Variants in ANGPTL1 observed in about 807,000 individuals in gnomAD.
ANGPTL1 encodes the protein angiopoietin-related protein 1.
In ANGPTL1, 36 loss-of-function variants were observed where a neutral mutation model predicts 46.7. That is an observed-to-expected ratio of 0.77 (90% CI 0.59 to 1.02). The LOEUF is 1.02. Ranked by LOEUF, ANGPTL1 falls within the 50% of genes least tolerant of loss-of-function variation. The pLI is 0.00. For synonymous variants in ANGPTL1, 221 were observed against 204.3 expected, an observed-to-expected ratio of 1.08 and a Z score of -0.69; for missense variants, 571 against 594.7, an observed-to-expected ratio of 0.96 and a Z score of 0.41.
intron 2 of ANGPTL1, among the ~76,000 whole-genome samples, chr1:178,866,981 G>T (rs529172283): frequency 1.3e-5 from 2 of 152,066 alleles, no homozygotes; most frequent in East Asian, 1.9e-4. Context: ...CTACTAACGA[G>T]CTGGTCTATT....
intron 1 of ANGPTL1, 165 bp from the exon 2 acceptor site, chr1:178,869,388 A>C (rs1209048376): frequency 6.6e-6 from 1 of 152,098 alleles, no homozygotes; most frequent in Non-Finnish European, 1.5e-5. Context: ...AGATTGTGAA[A>C]TATGTTCTGG....
intron 3 of ANGPTL1, among the ~76,000 whole-genome samples, chr1:178,861,948 C>T (rs1170239305): frequency 1.3e-5 from 2 of 152,004 alleles, no homozygotes. Context: ...TCTCGGCTCA[C>T]TGCAACCTCC....
intron 2 of ANGPTL1, among the ~76,000 whole-genome samples, chr1:178,867,919 T>C (rs1411016742): frequency 6.6e-6 from 1 of 151,992 alleles, no homozygotes; most frequent in Non-Finnish European, 1.5e-5. Context: ...TTTTTTGGTA[T>C]TTTTCAATTG....
Position 178,865,645 on chromosome 1 carries a change from C to T in ANGPTL1, c.132G>A (p.Glu44=), listed in dbSNP as rs373962000. 116 of 1,613,852 alleles carry T rather than the reference C, an allele frequency of 7.2e-5. No individual in the cohort carries two copies. The highest frequency in any genetic ancestry group is 9.7e-5 in the Non-Finnish European group (114 of 1,179,946). Reference sequence around the variant, plus strand: ...ATGTGTATGCACATTTCTTTGCTTCCTCTTTACCATCTGTGGCACGAGGGT... The same window carrying T: ...ATGTGTATGCACATTTCTTTGCTTCTTCTTTACCATCTGTGGCACGAGGGT... ...RRYPRATDGK[E]EAKKCAYTFL... is the part of the protein sequence containing the mutation. The change falls in exon 3 of 6, where the codon GAG becomes GAA. Residue 44 remains glutamate, a synonymous_variant. Transcript: ENST00000234816.
At chr1:178,858,538 T>G (rs1031406714) in intron 3 of ANGPTL1, among the ~76,000 whole-genome samples, 1 of 152,160 alleles carries the variant, frequency 6.6e-6, no homozygotes, top group Non-Finnish European at 1.5e-5. Flanking sequence ...AAGCATAGTA[T>G]CAACTATTTT....
Position 178,856,394 on chromosome 1 carries a change from A to ATTTTTTTTTTTTTTTTTTTT in ANGPTL1, c.824-2627_824-2608dup, listed in dbSNP as rs71108081. Among the ~76,000 whole-genome samples the ATTTTTTTTTTTTTTTTTTTT allele has an allele frequency of 3.6e-4, 13 of 36,430 alleles. 4 individuals carry two copies. The highest frequency in any genetic ancestry group is 1.3e-3 in the African/African-American group (9 of 6,866). 23.9% of individuals were successfully genotyped at this position (36,430 alleles called of 152,430 possible). A position where few individuals can be genotyped will look rare whatever the true frequency, so the allele number is the denominator to read the frequency against. The stretch of plus-strand genomic sequence containing the variant: ...AGGCAAGTGCCACCCTGCCTGGCTA[A>ATTTTTTTTTTTTTTTTTTTT]TTTTTTTTTTTTTTTTTTTTTTTTT... On this transcript the variant is annotated intron_variant, in intron 3 of 5. Transcript: ENST00000234816.
chr1:178,861,478 T>C (rs182864529), intron 3 of ANGPTL1, among the ~76,000 whole-genome samples: 1 of 152,080 alleles, frequency 6.6e-6, no homozygotes, highest in Admixed American at 6.5e-5. Context: ...ATGCTAAGTG[T>C]ATAATAAAAC....
At chr1:178,851,590 A>G (rs1388379200) in intron 5 of ANGPTL1, among the ~76,000 whole-genome samples, 3 of 152,116 alleles carry the variant, frequency 2.0e-5, no homozygotes, top group Non-Finnish European at 2.9e-5. Context: ...AGTAGATGCA[A>G]GCAGTGTTTA....
intron 3 of ANGPTL1, among the ~76,000 whole-genome samples, chr1:178,854,545 T>C (rs1182556686): frequency 1.3e-5 from 2 of 152,142 alleles, no homozygotes; most frequent in Admixed American, 1.3e-4. Flanking sequence ...TTCAGGAATG[T>C]TAGCATAAAT....
chr1:178,859,398 T>A (rs1054972141), intron 3 of ANGPTL1, among the ~76,000 whole-genome samples: 3 of 146,376 alleles, frequency 2.0e-5, no homozygotes, highest in African/African-American at 7.7e-5. Context: ...TTTCCAAGTT[T>A]AACTTTTTTT....
chr1:178,856,234 T>TATATATATATATATACAC (rs1368301659), intron 3 of ANGPTL1, among the ~76,000 whole-genome samples: 9 of 128,772 alleles, frequency 7.0e-5, no homozygotes, highest in African/African-American at 2.2e-4. Flanking sequence ...TATATATATA[T>TATATATATATATATACAC]GGTTTTGGGT....
chr1:178,854,221 A>G (rs925785029), intron 3 of ANGPTL1, among the ~76,000 whole-genome samples: 1 of 152,122 alleles, frequency 6.6e-6, no homozygotes, highest in Non-Finnish European at 1.5e-5. Flanking sequence ...TCATTTTTTA[A>G]TATTATAAAA....
At chr1:178,863,474 T>A (rs1658170463) in intron 3 of ANGPTL1, among the ~76,000 whole-genome samples, 1 of 152,178 alleles carries the variant, frequency 6.6e-6, no homozygotes, top group Non-Finnish European at 1.5e-5. Context: ...CCTAGGTGTG[T>A]TTGTTTGAAT....
chr1:178,857,585 A>G (rs764539499), intron 3 of ANGPTL1, among the ~76,000 whole-genome samples: 1 of 152,214 alleles, frequency 6.6e-6, no homozygotes, highest in Non-Finnish European at 1.5e-5. Flanking sequence ...ACCTATTAGT[A>G]TTATAGTTAA....
intron 2 of ANGPTL1, among the ~76,000 whole-genome samples, chr1:178,867,671 T>C (rs1201580132): frequency 5.9e-5 from 9 of 152,040 alleles, no homozygotes; most frequent in Non-Finnish European, 2.9e-5. Flanking sequence ...TATGCAAAAG[T>C]ATTTATGGAT....
intron 5 of ANGPTL1, 79 bp downstream of exon 5, chr1:178,852,604 G>C: frequency 6.9e-7 from 1 of 1,451,646 alleles, no homozygotes; most frequent in Non-Finnish European, 9.3e-7. Context: ...AAAGACTTTA[G>C]TAGCATATAT....
At chr1:178,863,856 A>G (rs1331672333) in intron 3 of ANGPTL1, among the ~76,000 whole-genome samples, 3 of 152,248 alleles carry the variant, frequency 2.0e-5, no homozygotes, top group Non-Finnish European at 4.4e-5. Context: ...ATTCACTGAC[A>G]GAGAGATGAA....
intron 2 of ANGPTL1, among the ~76,000 whole-genome samples, chr1:178,868,824 A>T (rs1414559139): frequency 1.3e-5 from 2 of 151,472 alleles, no homozygotes; most frequent in Admixed American, 6.6e-5. Flanking sequence ...AATAAATATA[A>T]TTTTTTTTTA....
chr1:178,856,162 T>C (rs1217111993), intron 3 of ANGPTL1, among the ~76,000 whole-genome samples: 1 of 144,410 alleles, frequency 6.9e-6, no homozygotes, highest in Non-Finnish European at 1.5e-5. Flanking sequence ...TTGTTGAAAT[T>C]TTGAGAACTG....
Sources: gnomAD v4.1 joint callset for allele counts (sites outside exome capture counted in the v4.1 genomes callset) on GRCh38, gnomAD v4.1.1 for gene constraint, MANE v1.5 for transcripts, NCBI Gene and HGNC (gene_info 2026-07-23, HGNC 2026-07-21) for gene names.